The following GALNT14 variants were observed in gnomAD, a reference collection of about 807,000 sequenced individuals.
GALNT14 encodes UDP-GalNAc:polypeptide N-acetylgalactosaminyltransferase 14.
In GALNT14, 60 loss-of-function variants were observed where a neutral mutation model predicts 77.5. The ratio of observed to expected loss-of-function variants is 0.77; its 90% CI spans 0.63 to 0.96. The LOEUF is 0.96. GALNT14 is among the 40% of genes least tolerant of loss of function. GALNT14 has a pLI of 0.00. For synonymous variants in GALNT14, 280 were observed against 281.7 expected, an observed-to-expected ratio of 0.99 and a Z score of 0.06; for missense variants, 710 against 731.0, an observed-to-expected ratio of 0.97 and a Z score of 0.33.
At chr2:30,982,813 TA>T (rs1447258507) in intron 2 of GALNT14, among the ~76,000 whole-genome samples, 1 of 152,200 alleles carries the variant, frequency 6.6e-6, no homozygotes, top group African/African-American at 2.4e-5. Flanking sequence ...TATATTTCAA[TA>T]AAAGATTTCC....
At chr2:30,906,917 A>G (rs1664159510), downstream of GALNT14, among the ~76,000 whole-genome samples, 1 of 152,156 alleles carries the variant, frequency 6.6e-6, no homozygotes, top group African/African-American at 2.4e-5. Context: ...ACTCAAAACC[A>G]CGCAACTACA....
At chr2:31,017,055 A>G (rs1429229373) in intron 1 of GALNT14, among the ~76,000 whole-genome samples, 1 of 152,246 alleles carries the variant, frequency 6.6e-6, no homozygotes, top group Non-Finnish European at 1.5e-5. Context: ...AGGGTCTCAA[A>G]GCTAGCTATG....
At chr2:30,971,384 G>C (rs529969704) in intron 2 of GALNT14, among the ~76,000 whole-genome samples, 7 of 152,036 alleles carry the variant, frequency 4.6e-5, no homozygotes, top group Non-Finnish European at 8.8e-5. Flanking sequence ...GGGGGACACC[G>C]AAGAGTCTCC....
intron 9 of GALNT14, among the ~76,000 whole-genome samples, chr2:30,937,411 G>A (rs1339832522): frequency 6.6e-6 from 1 of 152,216 alleles, no homozygotes; most frequent in Non-Finnish European, 1.5e-5. Context: ...AAATCAAGGT[G>A]TCAACAGGAT....
intron 1 of GALNT14, among the ~76,000 whole-genome samples, chr2:31,131,043 TG>T (rs1484491147): frequency 6.6e-6 from 1 of 152,096 alleles, no homozygotes; most frequent in Non-Finnish European, 1.5e-5. Flanking sequence ...GGTAAGCAAG[TG>T]GGGGTCAGAC....
In GALNT14 at chr2:31,018,721, G is replaced by T. The variant is rs1435821019; in HGVS notation, c.130-25714C>A. On this transcript the variant is annotated intron_variant, in intron 1 of 14. Coordinates refer to ENST00000349752, the MANE Select transcript of GALNT14 (RefSeq NM_024572.4). ...GGAAAAGTGAGGGCTTCTGGGGATG[G>T]AAGGATGGAAATGAGTTGGTGAGGA... is the stretch of plus-strand genomic sequence containing the variant. Among the ~76,000 whole-genome samples, 4 of 152,148 alleles carry T rather than the reference G, an allele frequency of 2.6e-5. No homozygotes were observed. In the South Asian group the frequency reaches 8.3e-4, roughly 32 times the overall value.
At chr2:31,035,618 TACACACACACACACACACAC>T (rs530565205) in intron 1 of GALNT14, among the ~76,000 whole-genome samples, 1 of 51,236 alleles carries the variant, frequency 2.0e-5, no homozygotes, top group Non-Finnish European at 3.9e-5. Context: ...CACACACACC[TACACACACACACACACACAC>T]ACACACACAC....
chr2:30,989,589 T>A (rs1573103906), intron 2 of GALNT14, among the ~76,000 whole-genome samples: 2 of 134,108 alleles, frequency 1.5e-5, no homozygotes, highest in African/African-American at 2.9e-5. Context: ...TATAAAAATA[T>A]ATATATTAGT....
intron 13 of GALNT14, among the ~76,000 whole-genome samples, chr2:30,917,562 G>C (rs1410924553): frequency 3.9e-5 from 6 of 152,198 alleles, no homozygotes; most frequent in Non-Finnish European, 7.3e-5. Context: ...ACCAGGCATG[G>C]GCAGGACAGC....
At chr2:30,901,666 T>A in the GALNT14 span, among the ~76,000 whole-genome samples, 1 of 152,076 alleles carries the variant, frequency 6.6e-6, no homozygotes, top group Non-Finnish European at 1.5e-5. Context: ...CATATATGTG[T>A]ATGTATATAT....
intron 1 of GALNT14, among the ~76,000 whole-genome samples, chr2:31,044,919 GA>G (rs1437281324): frequency 1.2e-4 from 17 of 145,138 alleles, no homozygotes; most frequent in African/African-American, 3.0e-4. Flanking sequence ...CATCTCAACA[GA>G]AAAAAAAAAA....
chr2:31,024,451 T>G (rs1014428498), intron 1 of GALNT14, among the ~76,000 whole-genome samples: 2 of 151,906 alleles, frequency 1.3e-5, no homozygotes, highest in Non-Finnish European at 2.9e-5. Flanking sequence ...CTCCCTCTAC[T>G]CCAGCCACAC....
chr2:31,077,244 A>C (rs1558552449), intron 1 of GALNT14, among the ~76,000 whole-genome samples: 3 of 152,228 alleles, frequency 2.0e-5, no homozygotes, highest in Non-Finnish European at 2.9e-5. Context: ...ATTCCAATGA[A>C]GGAGAGTCCT....
At chr2:30,978,372 C>T (rs145503206) in intron 2 of GALNT14, among the ~76,000 whole-genome samples, 6 of 152,322 alleles carry the variant, frequency 3.9e-5, no homozygotes, top group East Asian at 1.9e-4. Context: ...GCAGGGGCCA[C>T]GTTTCTACTT....
At chr2:30,935,122 T>C (rs1267087356) in intron 9 of GALNT14, among the ~76,000 whole-genome samples, 2 of 152,212 alleles carry the variant, frequency 1.3e-5, no homozygotes, top group African/African-American at 4.8e-5. Context: ...AGTAGCTGAT[T>C]AGTCCTAACA....
chr2:30,972,252 G>C (rs754891475), intron 2 of GALNT14, among the ~76,000 whole-genome samples: 4 of 152,222 alleles, frequency 2.6e-5, no homozygotes, highest in Non-Finnish European at 5.9e-5. Context: ...GAATCTTAAA[G>C]GTGGGCTCTG....
chr2:31,136,480 C>T (rs1238942963), intron 1 of GALNT14, among the ~76,000 whole-genome samples: 1 of 152,170 alleles, frequency 6.6e-6, no homozygotes, highest in African/African-American at 2.4e-5. Flanking sequence ...GTGCACTGAA[C>T]CCTCTTAGCC....
At chr2:30,939,698 A>T (rs986873566) in intron 9 of GALNT14, among the ~76,000 whole-genome samples, 1 of 152,136 alleles carries the variant, frequency 6.6e-6, no homozygotes, top group African/African-American at 2.4e-5. Context: ...AGAGAAGGCG[A>T]CGGATGTGAG....
the GALNT14 span, among the ~76,000 whole-genome samples, chr2:30,904,467 C>T: frequency 2.0e-5 from 3 of 152,186 alleles, no homozygotes; most frequent in Non-Finnish European, 2.9e-5. Context: ...CCTGGAAAAT[C>T]AGGTCACTCC....
Sources: gnomAD v4.1 joint callset for allele counts (sites outside exome capture counted in the v4.1 genomes callset) on GRCh38, gnomAD v4.1.1 for gene constraint, MANE v1.5 for transcripts, NCBI Gene and HGNC (gene_info 2026-07-23, HGNC 2026-07-21) for gene names.